Variants in SORCS2 observed in about 807,000 individuals in gnomAD.
The protein encoded by SORCS2 is VPS10 domain-containing receptor SorCS2.
A neutral mutation model predicts 141.6 loss-of-function variants in SORCS2; 100 were observed. That is an observed-to-expected ratio of 0.71 (90% CI 0.60 to 0.83). The LOEUF (loss-of-function observed/expected upper bound fraction) is 0.83, where lower values mean the gene tolerates loss of function less well. Ranked by LOEUF, SORCS2 falls within the 40% of genes least tolerant of loss-of-function variation. The pLI, the probability that SORCS2 is intolerant of heterozygous loss-of-function variation, is 0.00. For synonymous variants in SORCS2, 789 were observed against 676.9 expected (o/e 1.17, Z -2.57); for missense variants, 1,646 against 1,560.2 (o/e 1.05, Z -0.93).
At chr4:7,220,985 G>A (rs1002305914) in intron 1 of SORCS2, among the ~76,000 whole-genome samples, 1 of 152,222 alleles carries the variant, frequency 6.6e-6, no homozygotes, top group Admixed American at 6.5e-5. Flanking sequence ...TTGTCAGAGA[G>A]AGAGAGGGAA....
chr4:7,385,044 C>T (rs887225212), intron 1 of SORCS2, among the ~76,000 whole-genome samples: 1 of 152,172 alleles, frequency 6.6e-6, no homozygotes, highest in Non-Finnish European at 1.5e-5. Context: ...GGATCCCAAG[C>T]TTGGAGAATC....
chr4:7,330,366 G>A lies in SORCS2; in HGVS notation c.481-65922G>A, dbSNP rs750952100. ...TTCAGCGTATCACAAAGAGCTTCTC[G>A]GCAAATTTCAGGTCAGGGCAGCTGT... On this transcript the variant is annotated intron_variant, in intron 1 of 26. Coordinates refer to ENST00000507866, the MANE Select transcript of SORCS2 (RefSeq NM_020777.3). Among the ~76,000 whole-genome samples, 97 of 151,996 alleles carry A rather than the reference G, an allele frequency of 6.4e-4. 2 individuals are homozygous for A. The highest frequency in any genetic ancestry group is 5.9e-4 in the Non-Finnish European group (40 of 68,012).
At chr4:7,202,103 C>T (rs1437523458) in intron 1 of SORCS2, among the ~76,000 whole-genome samples, 2 of 152,154 alleles carry the variant, frequency 1.3e-5, no homozygotes, top group African/African-American at 4.8e-5. Flanking sequence ...CTCCCCGCTC[C>T]CAGCAGGTTC....
chr4:7,741,408 A>G lies in SORCS2; in HGVS notation c.*1144A>G, dbSNP rs17382228. On this transcript the variant is annotated 3_prime_UTR_variant, in exon 27 of 27. Coordinates refer to ENST00000507866, the MANE Select transcript of SORCS2 (RefSeq NM_020777.3). ...GGTCTCCACACCCTTACGGTTTCCT[A>G]GAATCAGGGATGTTAGTGTAAGTCT... 0.44 allele frequency: 110,646 copies of G among 250,158 alleles called. 19,431 individuals are homozygous for G. Among genetic ancestry groups the G allele is most frequent in the East Asian group, 0.57 (9,341 of 16,330 alleles). The allele number at this position is 250,158 out of a possible 1,614,324, so 15.5% of individuals were successfully genotyped here.
chr4:7,728,598 C>A (rs1472318160), intron 22 of SORCS2, 136 bp downstream of exon 22: 3 of 618,818 alleles, frequency 4.8e-6, no homozygotes, highest in East Asian at 2.8e-5. Context: ...GGTCTTCGGG[C>A]CAGCTGGGGA....
intron 6 of SORCS2, among the ~76,000 whole-genome samples, chr4:7,661,993 C>T (rs900515129): frequency 3.9e-5 from 6 of 152,172 alleles, no homozygotes; most frequent in African/African-American, 1.4e-4. Flanking sequence ...CAGAGACATC[C>T]TCTGTGCAGG....
intron 1 of SORCS2, among the ~76,000 whole-genome samples, chr4:7,304,925 A>G (rs1717682243): frequency 2.6e-5 from 4 of 152,158 alleles, no homozygotes; most frequent in Admixed American, 2.0e-4. Flanking sequence ...CTGAGGCTTC[A>G]TGCTGGAGGC....
intron 2 of SORCS2, among the ~76,000 whole-genome samples, chr4:7,421,911 TG>T (rs893870480): frequency 4.8e-4 from 14 of 29,188 alleles, no homozygotes; most frequent in Non-Finnish European, 1.1e-3. Context: ...GGGCAGGGGC[TG>T]GGGCGGGGCT....
chr4:7,370,582 G>A lies in SORCS2; in HGVS notation c.481-25706G>A, dbSNP rs553619684. Among the ~76,000 whole-genome samples, 59 of 152,294 alleles carry A rather than the reference G, an allele frequency of 3.9e-4. 1 individual carries two copies. The highest frequency in any genetic ancestry group is 1.9e-3 in the East Asian group (10 of 5,184). On this transcript the variant is annotated intron_variant, in intron 1 of 26. Transcript: ENST00000507866. ...TTATTGAAAAATTACACATCAACAC[G>A]CTCAATGATCTTCCAAAGAGAAATA...
rs1722317201 is a variant in SORCS2 at position 7,663,566 on chromosome 4, T to C, written c.953-787T>C. On this transcript the variant is annotated intron_variant, in intron 6 of 26. Coordinates refer to ENST00000507866, the MANE Select transcript of SORCS2 (RefSeq NM_020777.3). This position sits in a 1 kb window ranked among gnomAD's most constrained non-coding sequence, Gnocchi z 4.8. ...CCCTCTGTGTACACTGCCTTCTGCC[T>C]CCTCTGAACAGACCGGGCAGGTGGG... Among the ~76,000 whole-genome samples the C allele has an allele frequency of 6.6e-6, 1 of 152,184 alleles. No homozygotes were observed. Among genetic ancestry groups the C allele is most frequent in the African/African-American group, 2.4e-5 (1 of 41,444 alleles).
intron 2 of SORCS2, among the ~76,000 whole-genome samples, chr4:7,444,717 C>G (rs1442420060): frequency 6.6e-6 from 1 of 152,180 alleles, no homozygotes; most frequent in Non-Finnish European, 1.5e-5. Context: ...AGGGTGGAAG[C>G]AGGGAGCATG....
chr4:7,241,702 C>G (rs1460259827), intron 1 of SORCS2, among the ~76,000 whole-genome samples: 1 of 152,210 alleles, frequency 6.6e-6, no homozygotes, highest in Non-Finnish European at 1.5e-5. Context: ...TCCGTAGTCT[C>G]TCCCTGGTTA....
At chr4:7,368,006 T>C (rs1157770110) in intron 1 of SORCS2, among the ~76,000 whole-genome samples, 1 of 152,192 alleles carries the variant, frequency 6.6e-6, no homozygotes, top group Non-Finnish European at 1.5e-5. Flanking sequence ...AGCGCTGGGC[T>C]TCATGGAGAC....
chr4:7,414,914 C>T (rs2109166619), intron 2 of SORCS2, among the ~76,000 whole-genome samples: 1 of 152,156 alleles, frequency 6.6e-6, no homozygotes, highest in East Asian at 1.9e-4. Flanking sequence ...CAGGCCAACT[C>T]CTCACAAAAC....
intron 1 of SORCS2, among the ~76,000 whole-genome samples, chr4:7,370,312 C>G (rs558948773): frequency 6.6e-6 from 1 of 152,246 alleles, no homozygotes; most frequent in South Asian, 2.1e-4. Flanking sequence ...TGTCTGAGCC[C>G]GGACGGGGGC....
At chr4:7,436,553 C>G (rs1266560547) in intron 2 of SORCS2, among the ~76,000 whole-genome samples, 1 of 152,242 alleles carries the variant, frequency 6.6e-6, no homozygotes, top group Non-Finnish European at 1.5e-5. Context: ...TCCTGACATC[C>G]CTTGAGCCTG....
chr4:7,243,863 C>T (rs1378625214), intron 1 of SORCS2, among the ~76,000 whole-genome samples: 5 of 152,220 alleles, frequency 3.3e-5, no homozygotes, highest in Non-Finnish European at 7.3e-5. Flanking sequence ...CAAACCCTTC[C>T]CTGCTCTCTG....
In SORCS2 at chr4:7,717,847, G is replaced by A. The variant is rs1726295829; in HGVS notation, c.2253-165G>A. Among the ~76,000 whole-genome samples the A allele has an allele frequency of 2.0e-5, 3 of 152,322 alleles. No individual in the cohort carries two copies. The South Asian group carries it at 6.2e-4, about 32-fold the overall frequency. ...TCATCTCTAAAATGGGGCTGTAACA[G>A]CAATCAGGTGGAGTCAGGAGGTGAC... is the stretch of plus-strand genomic sequence containing the variant. On this transcript the variant is annotated intron_variant, in intron 17 of 26. Coordinates refer to ENST00000507866, the MANE Select transcript of SORCS2 (RefSeq NM_020777.3).
chr4:7,403,978 TA>T (rs1560256659), intron 2 of SORCS2, among the ~76,000 whole-genome samples: 3 of 15,694 alleles, frequency 1.9e-4, no homozygotes, highest in African/African-American at 6.0e-4. Context: ...TATATATATA[TA>T]TATATATATA....
Sources: allele counts gnomAD v4.1 joint callset (sites outside exome capture counted in the v4.1 genomes callset), GRCh38; gene constraint gnomAD v4.1.1; non-coding constraint Gnocchi (gnomAD v3.1); transcripts MANE v1.5; gene names NCBI Gene and HGNC (gene_info 2026-07-23, HGNC 2026-07-21).